SAMD3: variants seen among roughly 807,000 people sequenced by gnomAD.
SAMD3 encodes the protein sterile alpha motif domain containing 3.
In SAMD3, 63 loss-of-function variants were observed where a neutral mutation model predicts 58.5. The ratio of observed to expected loss-of-function variants is 1.08; its 90% CI spans 0.88 to 1.33. The LOEUF (loss-of-function observed/expected upper bound fraction) is 1.33, where lower values mean the gene tolerates loss of function less well. SAMD3 is among the 40% of genes most tolerant of loss of function. SAMD3 has a pLI of 0.00. For missense variants in SAMD3, 604 were observed against 608.4 expected (o/e 0.99, Z 0.08); for synonymous variants, 220 against 210.3 (o/e 1.05, Z -0.40).
At chr6:130,293,403 C>T (rs1415824761) in intron 2 of SAMD3, among the ~76,000 whole-genome samples, 1 of 152,128 alleles carries the variant, frequency 6.6e-6, no homozygotes, top group East Asian at 1.9e-4. Flanking sequence ...GGTCCCCTCA[C>T]TCTAGTAATT....
chr6:130,151,103 C>G (rs1013342238), intron 9 of SAMD3, among the ~76,000 whole-genome samples: 1 of 150,878 alleles, frequency 6.6e-6, no homozygotes, highest in African/African-American at 2.4e-5. Context: ...AGCCCACTTT[C>G]CTCCAGTGCC....
At chr6:130,258,071 T>A (rs1773984247) in intron 2 of SAMD3, among the ~76,000 whole-genome samples, 2 of 152,058 alleles carry the variant, frequency 1.3e-5, no homozygotes, top group African/African-American at 2.4e-5. Context: ...TTCCGTGGAA[T>A]AAATATATAA....
chr6:130,257,833 GC>G, intron 2 of SAMD3, among the ~76,000 whole-genome samples: 1 of 152,122 alleles, frequency 6.6e-6, no homozygotes, highest in East Asian at 1.9e-4. Flanking sequence ...ATTCCTTTCT[GC>G]CCCTTCCTGC....
At chr6:130,251,197 CTGTA>C (rs1773726318) in intron 2 of SAMD3, among the ~76,000 whole-genome samples, 1 of 152,058 alleles carries the variant, frequency 6.6e-6, no homozygotes, top group Non-Finnish European at 1.5e-5. Context: ...AGACACATCT[CTGTA>C]TGCATCTATG....
intron 2 of SAMD3, among the ~76,000 whole-genome samples, chr6:130,239,194 G>A (rs554381726): frequency 4.4e-4 from 67 of 152,262 alleles, no homozygotes; most frequent in African/African-American, 1.6e-3. Context: ...CAGCTACCTT[G>A]CAAATGGAGA....
At chr6:130,149,845 A>G (rs1220162025) in intron 9 of SAMD3, among the ~76,000 whole-genome samples, 1 of 152,158 alleles carries the variant, frequency 6.6e-6, no homozygotes, top group East Asian at 1.9e-4. Flanking sequence ...AACCTGCACG[A>G]CGTATCCCCT....
At chr6:130,253,273 T>C (rs920248221) in intron 2 of SAMD3, among the ~76,000 whole-genome samples, 21 of 152,144 alleles carry the variant, frequency 1.4e-4, no homozygotes, top group African/African-American at 4.8e-4. Context: ...TGAGTCCAGC[T>C]CTGGCTTCTC....
chr6:130,207,364 C>G (rs1386204978), intron 5 of SAMD3, among the ~76,000 whole-genome samples: 1 of 152,062 alleles, frequency 6.6e-6, no homozygotes, highest in Non-Finnish European at 1.5e-5. Flanking sequence ...CAAGCATTAT[C>G]TATTCTTAAT....
At chr6:130,268,708 T>TA (rs899872489) in intron 2 of SAMD3, among the ~76,000 whole-genome samples, 3 of 152,206 alleles carry the variant, frequency 2.0e-5, no homozygotes, top group African/African-American at 7.2e-5. Context: ...CTAACAGCAA[T>TA]AGGCTATCCC....
chr6:130,169,213 T>G (rs560706278), intron 8 of SAMD3, among the ~76,000 whole-genome samples: 267 of 152,096 alleles, frequency 1.8e-3, no homozygotes, highest in African/African-American at 6.1e-3. Flanking sequence ...TTATATGAGA[T>G]AAATTCAAAT....
intron 2 of SAMD3, among the ~76,000 whole-genome samples, chr6:130,303,791 T>C (rs1323269592): frequency 6.6e-6 from 1 of 152,216 alleles, no homozygotes. Flanking sequence ...ATTGGCCTGG[T>C]AATCTTTTAA....
intron 7 of SAMD3, 101 bp downstream of exon 7, chr6:130,184,002 C>T: frequency 1.2e-6 from 1 of 841,376 alleles, no homozygotes; most frequent in Non-Finnish European, 2.0e-6. Context: ...GAGAGAGAGA[C>T]ACCAAGAAAA....
chr6:130,144,954 C>CT, intron 11 of SAMD3, 150 bp from the exon 12 acceptor site: 1 of 857,014 alleles, frequency 1.2e-6, no homozygotes, highest in Non-Finnish European at 1.7e-6. Flanking sequence ...AGACCACCAA[C>CT]TTTGCTTTTA....
intron 1 of SAMD3, among the ~76,000 whole-genome samples, chr6:130,357,118 C>CTTTTTTTTTTTTT (rs1169066063): frequency 3.3e-5 from 3 of 91,712 alleles, no homozygotes; most frequent in African/African-American, 4.5e-5. Flanking sequence ...GCCATGGCAT[C>CTTTTTTTTTTTTT]TTTTTTTTTT....
chr6:130,153,112 T>C (rs1789373877), intron 9 of SAMD3, among the ~76,000 whole-genome samples: 1 of 152,220 alleles, frequency 6.6e-6, no homozygotes, highest in African/African-American at 2.4e-5. Context: ...GCTAGGCACT[T>C]TGGGAACTGT....
chr6:130,263,822 C>T (rs569038021), intron 2 of SAMD3, among the ~76,000 whole-genome samples: 9 of 152,188 alleles, frequency 5.9e-5, no homozygotes, highest in Admixed American at 2.6e-4. Flanking sequence ...GGGGAGATTT[C>T]GATAAAGACC....
chr6:130,318,055 T>C (rs1776445314), intron 1 of SAMD3, among the ~76,000 whole-genome samples: 1 of 152,144 alleles, frequency 6.6e-6, no homozygotes, highest in African/African-American at 2.4e-5. Flanking sequence ...GATCAACACA[T>C]GCATGTTAGG....
chr6:130,145,074 A>G (rs1285607809), intron 11 of SAMD3, among the ~76,000 whole-genome samples: 14 of 152,172 alleles, frequency 9.2e-5, no homozygotes. Context: ...AGCCTGACCA[A>G]CACCGTGAAA....
At position 130,144,807 on chromosome 6, in the gene SAMD3, GA is replaced by G. The variant is rs751126061; in HGVS notation, c.1279-4del. ...AACACAGGTGTGGACACTTGCACCT[GA>G]AAAAAAGAGTGGAGTCATTACCATG... On this transcript the variant is annotated splice_region_variant and splice_polypyrimidine_tract_variant and intron_variant, in intron 11 of 11. Transcript: ENST00000439090. 3.1e-6 allele frequency: 5 copies of G among 1,596,424 alleles called. No homozygotes were observed. The highest frequency in any genetic ancestry group is 4.3e-6 in the Non-Finnish European group (5 of 1,173,848).
Sources: gnomAD v4.1 joint callset for allele counts (sites outside exome capture counted in the v4.1 genomes callset) on GRCh38, gnomAD v4.1.1 for gene constraint, MANE v1.5 for transcripts, NCBI Gene and HGNC (gene_info 2026-07-23, HGNC 2026-07-21) for gene names.